The following MYLIP variants were observed in gnomAD, a reference collection of about 807,000 sequenced individuals.
MYLIP encodes E3 ubiquitin-protein ligase MYLIP.
MYLIP carries 26 observed loss-of-function variants against 45.8 expected under a neutral mutation model. The ratio of observed to expected loss-of-function variants is 0.57; its 90% CI spans 0.42 to 0.79. The LOEUF is 0.79. Among genes scored for constraint, MYLIP ranks in the 30% least tolerant of loss-of-function variants. The probability of loss-of-function intolerance (pLI) is 0.00; values close to 1 mark genes in which losing one functional copy is unlikely to be tolerated. For missense variants in MYLIP, 494 were observed against 555.6 expected, an observed-to-expected ratio of 0.89 and a Z score of 1.11; for synonymous variants, 213 against 218.1, an observed-to-expected ratio of 0.98 and a Z score of 0.21.
chr6:16,149,792 A>G (rs1400254624), downstream of MYLIP, among the ~76,000 whole-genome samples: 1 of 152,260 alleles, frequency 6.6e-6, no homozygotes, highest in Non-Finnish European at 1.5e-5. Flanking sequence ...GAGTCAAAAT[A>G]CTTTAGAAAT....
chr6:16,140,044 T>C (rs970443151), intron 2 of MYLIP, among the ~76,000 whole-genome samples: 4 of 152,232 alleles, frequency 2.6e-5, no homozygotes, highest in South Asian at 2.1e-4. Context: ...GCCTCCTCCT[T>C]AGTCGATTCT....
the MYLIP span, among the ~76,000 whole-genome samples, chr6:16,160,638 C>A: frequency 6.6e-6 from 1 of 151,960 alleles, no homozygotes; most frequent in South Asian, 2.1e-4. Flanking sequence ...CCCGTCTCTA[C>A]AAAAAATACA....
At chr6:16,144,722 CAG>C (rs1759747827) in intron 5 of MYLIP, among the ~76,000 whole-genome samples, 173 bp from the exon 6 acceptor site, 1 of 152,158 alleles carries the variant, frequency 6.6e-6, no homozygotes, top group East Asian at 1.9e-4. Context: ...GTTAGAGAAA[CAG>C]AGGTGTAATC....
intron 2 of MYLIP, among the ~76,000 whole-genome samples, chr6:16,135,805 T>C (rs9297003): frequency 1.4e-5 from 2 of 146,976 alleles, no homozygotes; most frequent in South Asian, 2.1e-4. Flanking sequence ...ATATAGTGTA[T>C]ATATACAGTA....
the MYLIP span, among the ~76,000 whole-genome samples, chr6:16,159,368 A>G: frequency 6.6e-6 from 1 of 152,212 alleles, no homozygotes; most frequent in Non-Finnish European, 1.5e-5. Flanking sequence ...AACTCGAGTT[A>G]GATGACTGTT....
chr6:16,163,818 T>C, the MYLIP span: 5 of 152,274 alleles, frequency 3.3e-5, no homozygotes, highest in Non-Finnish European at 5.9e-5. Flanking sequence ...AAGTCCCTTG[T>C]ACCTTGTTAA....
chr6:16,130,567 G>T lies in MYLIP; in HGVS notation c.98G>T (p.Arg33Leu). 6.2e-7 allele frequency: 1 copy of T among 1,614,026 alleles called. No individual in the cohort carries two copies. The highest frequency in any genetic ancestry group is 2.2e-5 in the East Asian group (1 of 44,888). Residue 33 changes from arginine to leucine, a missense_variant, in exon 2 of 7, where the codon CGA becomes CTA. By Grantham distance (102) the Arg-to-Leu change is moderately radical. Transcript: ENST00000356840. Reference sequence around the variant, plus strand: ...TCCTTTTTGTTTTAGGTGTGCAGGCGACTGGGAATCATAGAAGTTGACTAT... The same window carrying T: ...TCCTTTTTGTTTTAGGTGTGCAGGCTACTGGGAATCATAGAAGTTGACTAT... Reference protein sequence around the residue: ...GEDCLNQVCRRLGIIEVDYFG... With the variant: ...GEDCLNQVCRLLGIIEVDYFG...
intron 2 of MYLIP, among the ~76,000 whole-genome samples, chr6:16,133,691 A>T (rs1289051217): frequency 6.6e-6 from 1 of 152,200 alleles, no homozygotes; most frequent in Non-Finnish European, 1.5e-5. Flanking sequence ...GAGATTAGAG[A>T]AGTATATGCT....
chr6:16,154,253 G>T, the MYLIP span, among the ~76,000 whole-genome samples: 16 of 152,118 alleles, frequency 1.1e-4, no homozygotes, highest in African/African-American at 3.4e-4. Flanking sequence ...ACAGGAACAT[G>T]CCATCTTTCT....
chr6:16,161,564 GT>G, the MYLIP span, among the ~76,000 whole-genome samples: 1 of 152,150 alleles, frequency 6.6e-6, no homozygotes. Flanking sequence ...ATATCAAGCC[GT>G]TTTTAATCCT....
intron 6 of MYLIP, among the ~76,000 whole-genome samples, chr6:16,145,633 C>A (rs1050666629): frequency 6.6e-6 from 1 of 152,104 alleles, no homozygotes; most frequent in African/African-American, 2.4e-5. Flanking sequence ...TGAGGCCTGG[C>A]CCAGGGCTGC....
chr6:16,153,696 CAG>C, the MYLIP span, among the ~76,000 whole-genome samples: 11 of 152,120 alleles, frequency 7.2e-5, no homozygotes, highest in African/African-American at 2.7e-4. Context: ...GTGTGTGTGC[CAG>C]AGTTAGGGGA....
the MYLIP span, among the ~76,000 whole-genome samples, chr6:16,158,005 C>A: frequency 1.3e-5 from 2 of 152,218 alleles, no homozygotes; most frequent in Admixed American, 6.5e-5. Context: ...GCTCCCATGA[C>A]TACAGAACCC....
At chr6:16,142,859 T>C (rs1049739986) in intron 3 of MYLIP, among the ~76,000 whole-genome samples, 161 bp from the exon 4 acceptor site, 1 of 152,224 alleles carries the variant, frequency 6.6e-6, no homozygotes, top group Non-Finnish European at 1.5e-5. Context: ...TAGACGTTTT[T>C]TATAGTAAGT....
intron 5 of MYLIP, among the ~76,000 whole-genome samples, chr6:16,144,284 A>T (rs554970624): frequency 8.2e-4 from 125 of 152,320 alleles, no homozygotes; most frequent in Non-Finnish European, 1.5e-3. Flanking sequence ...CCCTAAAGGT[A>T]ACCCTGAGGG....
chr6:16,144,367 G>T (rs1392255782), intron 5 of MYLIP, among the ~76,000 whole-genome samples: 1 of 152,196 alleles, frequency 6.6e-6, no homozygotes, highest in Non-Finnish European at 1.5e-5. Flanking sequence ...CTGCTATCCT[G>T]AGTCGTCACT....
chr6:16,135,748 CATATATCTATAT>C lies in MYLIP; in HGVS notation c.278+5008_278+5019del, dbSNP rs1388907753. On this transcript the variant is annotated intron_variant, in intron 2 of 6. Transcript: ENST00000356840. ...TACACACATTATATGTGTGTGTATACATATATCTATATATATATATATATATATATGTATGCT... is the reference window on the plus strand; with the variant it reads ...TACACACATTATATGTGTGTGTATACATATATATATATATATATGTATGCT... Among the ~76,000 whole-genome samples the C allele has an allele frequency of 1.5e-3, 168 of 113,158 alleles. 5 individuals carry two copies. The highest frequency in any genetic ancestry group is 4.1e-3 in the African/African-American group (131 of 31,986). 74.2% of individuals were successfully genotyped at this position (113,158 alleles called of 152,430 possible).
chr6:16,145,113 C>T lies in MYLIP; in HGVS notation c.1044C>T (p.His348=), dbSNP rs1759760370. 6.2e-7 allele frequency: 1 copy of T among 1,614,240 alleles called. No individual in the cohort carries two copies. The highest frequency in any genetic ancestry group is 1.7e-5 in the Admixed American group (1 of 60,032). ...LVSRNNQSPS[H]SPLKSSESSM... The stretch of plus-strand genomic sequence containing the variant: ...CAAGAAACAACCAGAGCCCTTCACA[C>T]TCGCCTCTGAAGTCCTCAGAAAGCA... Residue 348 remains histidine (H), a synonymous_variant, in exon 6 of 7, where the codon CAC becomes CAT. Coordinates refer to ENST00000356840, the MANE Select transcript of MYLIP (RefSeq NM_013262.4).
At chr6:16,141,378 TG>T (rs1280036970) in intron 2 of MYLIP, among the ~76,000 whole-genome samples, 4 of 152,248 alleles carry the variant, frequency 2.6e-5, no homozygotes, top group Non-Finnish European at 5.9e-5. Flanking sequence ...GTAACCTTAA[TG>T]TTACCGAACT....
Sources: gnomAD v4.1 joint callset for allele counts (sites outside exome capture counted in the v4.1 genomes callset) on GRCh38, gnomAD v4.1.1 for gene constraint, MANE v1.5 for transcripts, NCBI Gene and HGNC (gene_info 2026-07-23, HGNC 2026-07-21) for gene names.